The following ALDH1L1 variants were observed in gnomAD, a reference collection of about 807,000 sequenced individuals.
ALDH1L1 encodes the protein aldehyde dehydrogenase 1 family member L1, also known as cytosolic 10-formyltetrahydrofolate dehydrogenase.
A neutral mutation model predicts 101.1 loss-of-function variants in ALDH1L1; 68 were observed. The observed-to-expected ratio is 0.67, with a 90% confidence interval of 0.55 to 0.82. The LOEUF (loss-of-function observed/expected upper bound fraction) is 0.82, where lower values mean the gene tolerates loss of function less well. Among genes scored for constraint, ALDH1L1 ranks in the 40% least tolerant of loss-of-function variants. ALDH1L1 has a pLI of 0.00. For synonymous variants in ALDH1L1, 486 were observed against 470.8 expected (o/e 1.03, Z -0.42); for missense variants, 1,087 against 1,172.7 (o/e 0.93, Z 1.07).
intron 19 of ALDH1L1, among the ~76,000 whole-genome samples, chr3:126,110,532 C>T (rs1946045348): frequency 6.6e-6 from 1 of 152,130 alleles, no homozygotes; most frequent in African/African-American, 2.4e-5. Context: ...ACCAGCCCTG[C>T]TGCAATAGTC....
At chr3:126,180,737 G>A, upstream of ALDH1L1, 1 of 1,419,036 alleles carries the variant, frequency 7.0e-7, no homozygotes, top group Non-Finnish European at 9.2e-7. Flanking sequence ...GTCTATAAAT[G>A]CCATGTAAAA....
At chr3:126,107,310 G>T in intron 20 of ALDH1L1, 64 bp from the exon 21 acceptor site, 2 of 1,382,724 alleles carry the variant, frequency 1.4e-6, no homozygotes, top group Non-Finnish European at 2.0e-6. Flanking sequence ...CAGCCTCTCC[G>T]TCAGCAGGGC....
chr3:126,140,833 A>C (rs1323437300), intron 9 of ALDH1L1, among the ~76,000 whole-genome samples: 1 of 152,024 alleles, frequency 6.6e-6, no homozygotes, highest in East Asian at 1.9e-4. Context: ...CTACAAAAAA[A>C]ATTACCAAAT....
At chr3:126,179,129 C>T (rs1281444673) in intron 1 of ALDH1L1, among the ~76,000 whole-genome samples, 3 of 152,204 alleles carry the variant, frequency 2.0e-5, no homozygotes, top group Non-Finnish European at 4.4e-5. Context: ...CCCATAGAGC[C>T]CCTTGTGGGC....
chr3:126,112,676 C>T, intron 19 of ALDH1L1, 106 bp downstream of exon 19: 1 of 1,085,596 alleles, frequency 9.2e-7, no homozygotes, highest in Non-Finnish European at 1.4e-6. Flanking sequence ...CCAGGAGGAG[C>T]CCAGCCTCAC....
At chr3:126,187,482 AG>A (rs1039073682) in intron 1 of ALDH1L1, among the ~76,000 whole-genome samples, 1 of 152,016 alleles carries the variant, frequency 6.6e-6, no homozygotes, top group African/African-American at 2.4e-5. Context: ...GATGCAGGAG[AG>A]GGAAGCTCGA....
In ALDH1L1 at chr3:126,137,702, TG is replaced by T. The variant is rs538895965; in HGVS notation, c.1224+110del. On this transcript the variant is annotated intron_variant, in intron 10 of 22. Transcript: ENST00000393434. The stretch of plus-strand genomic sequence containing the variant: ...TGTGGGAAACTGAAGGGTGGGCTCC[TG>T]GGGCCCTGGCTTTCTGAATGTCCAG... 9.5e-5 allele frequency: 138 copies of T among 1,451,382 alleles called. No homozygotes were observed. The African/African-American group carries it at 1.7e-3, about 18-fold the overall frequency. The allele number at this position is 1,451,382 out of a possible 1,614,324, so 89.9% of individuals were successfully genotyped here.
intron 14 of ALDH1L1, chr3:126,128,288 C>G (rs1422052921): frequency 6.6e-6 from 1 of 152,324 alleles, no homozygotes; most frequent in Admixed American, 6.5e-5. Context: ...TCCCATTACC[C>G]AGGAGGCCCG....
rs760278360 is a variant in ALDH1L1, at chr3:126,107,456, C to T, written c.2348-210G>A. On this transcript the variant is annotated intron_variant, in intron 20 of 22. Transcript: ENST00000393434. Reference sequence around the variant, plus strand: ...GATGTGGGTCTCACCGTGCTTTTAACGGAGTGCTGTTGAGGGAAATGGGGC... The same window carrying T: ...GATGTGGGTCTCACCGTGCTTTTAATGGAGTGCTGTTGAGGGAAATGGGGC... Among the ~76,000 whole-genome samples the T allele has an allele frequency of 1.1e-4, 17 of 152,324 alleles. No homozygotes were observed. The South Asian group carries it at 1.9e-3, about 17-fold the overall frequency.
At chr3:126,181,062 T>TGGA, upstream of ALDH1L1, 1 of 1,522,640 alleles carries the variant, frequency 6.6e-7, no homozygotes, top group Non-Finnish European at 8.9e-7. Context: ...CGCATCCGGG[T>TGGA]GGATAGCGGC....
intron 1 of ALDH1L1, among the ~76,000 whole-genome samples, chr3:126,188,356 A>G (rs2108352860): frequency 6.6e-6 from 1 of 152,310 alleles, no homozygotes; most frequent in Admixed American, 6.5e-5. Flanking sequence ...CACAGAGGCA[A>G]TTGTGGGACT....
rs181674307 is a variant in ALDH1L1, at chr3:126,189,412, C to T, written c.-24+8323G>A. 4.6e-5 allele frequency among the ~76,000 whole-genome samples: 7 copies of T among 152,254 alleles called. 1 individual carries two copies. The highest frequency in any genetic ancestry group is 3.9e-4 in the Admixed American group (6 of 15,296). On this transcript the variant is annotated intron_variant, in intron 1 of 2. Transcript: ENST00000509952. ...TGCTTCCAGGAAAATTTCCCCATGG[C>T]CAGCTTTACCTTAAAGTCTACAACA...
intron 4 of ALDH1L1, 68 bp from the exon 5 acceptor site, chr3:126,155,571 A>T: frequency 7.0e-7 from 1 of 1,430,066 alleles, no homozygotes; most frequent in Non-Finnish European, 9.5e-7. Context: ...CCCAGGGCCC[A>T]CATTGAGCCT....
At chr3:126,155,060 G>A (rs1404277098) in intron 5 of ALDH1L1, among the ~76,000 whole-genome samples, 6 of 152,112 alleles carry the variant, frequency 3.9e-5, no homozygotes, top group Non-Finnish European at 5.9e-5. Context: ...CCAGAGACCC[G>A]CACTGTCCCT....
intron 1 of ALDH1L1, among the ~76,000 whole-genome samples, chr3:126,191,755 C>G (rs1458213069): frequency 6.6e-6 from 1 of 152,180 alleles, no homozygotes; most frequent in Non-Finnish European, 1.5e-5. Context: ...GAAACTTTCT[C>G]CTTGAAAACT....
chr3:126,141,528 G>T (rs1199272301), intron 9 of ALDH1L1, among the ~76,000 whole-genome samples: 1 of 152,034 alleles, frequency 6.6e-6, no homozygotes, highest in East Asian at 1.9e-4. Context: ...AATGGAATGA[G>T]ACTAGAAATC....
At chr3:126,176,333 C>G (rs1359197698) in intron 1 of ALDH1L1, among the ~76,000 whole-genome samples, 1 of 152,126 alleles carries the variant, frequency 6.6e-6, no homozygotes, top group Non-Finnish European at 1.5e-5. Flanking sequence ...CAAACTGATT[C>G]TCAAGTTTAT....
chr3:126,158,730 T>C, intron 2 of ALDH1L1, 91 bp from the exon 3 acceptor site: 1 of 1,233,408 alleles, frequency 8.1e-7, no homozygotes, highest in Non-Finnish European at 1.2e-6. Flanking sequence ...CTCATAGGAC[T>C]TCTCTCCATT....
At chr3:126,112,987 T>C in intron 18 of ALDH1L1, 107 bp from the exon 19 acceptor site, 1 of 934,876 alleles carries the variant, frequency 1.1e-6, no homozygotes, top group Non-Finnish European at 1.7e-6. Flanking sequence ...GAGGCACCCA[T>C]GTGTCCTGAT....
Sources: gnomAD v4.1 joint callset for allele counts (sites outside exome capture counted in the v4.1 genomes callset) on GRCh38, gnomAD v4.1.1 for gene constraint, MANE v1.5 for transcripts, NCBI Gene and HGNC (gene_info 2026-07-23, HGNC 2026-07-21) for gene names.